The following NRXN3 variants were observed in gnomAD, a reference collection of about 807,000 sequenced individuals.
NRXN3 encodes neurexin III.
Under a neutral mutation model 137.6 loss-of-function variants are expected in NRXN3, and 32 were observed. The ratio of observed to expected loss-of-function variants is 0.23; its 90% CI spans 0.18 to 0.31. The LOEUF is 0.31. NRXN3 is among the 10% of genes least tolerant of loss of function. The pLI, the probability that NRXN3 is intolerant of heterozygous loss-of-function variation, is 1.00. For synonymous variants in NRXN3, 798 were observed against 784.5 expected, an observed-to-expected ratio of 1.02 and a Z score of -0.29; for missense variants, 1,574 against 2,062.5, an observed-to-expected ratio of 0.76 and a Z score of 4.59.
intron 6 of NRXN3, 102 bp downstream of exon 6, chr14:78,651,428 G>T: frequency 1.0e-5 from 13 of 1,270,008 alleles, no homozygotes; most frequent in Non-Finnish European, 1.3e-5. Context: ...AAATCTATGA[G>T]ATGATAGATT....
At chr14:78,199,769 C>G (rs920511973) in intron 1 of NRXN3, among the ~76,000 whole-genome samples, 1 of 152,222 alleles carries the variant, frequency 6.6e-6, no homozygotes, top group African/African-American at 2.4e-5. Flanking sequence ...TTGATGAGCC[C>G]TGAAGGCTGT....
intron 6 of NRXN3, among the ~76,000 whole-genome samples, chr14:78,667,782 G>C (rs1019434064): frequency 1.3e-5 from 2 of 152,094 alleles, no homozygotes; most frequent in African/African-American, 4.8e-5. Flanking sequence ...GATTGTGATA[G>C]ATTATCTTTT....
intron 16 of NRXN3, among the ~76,000 whole-genome samples, chr14:79,594,108 T>C (rs1487352048): frequency 6.6e-6 from 1 of 152,236 alleles, no homozygotes; most frequent in African/African-American, 2.4e-5. Flanking sequence ...CCTACTGCCT[T>C]ATCTGTTTTG....
intron 1 of NRXN3, among the ~76,000 whole-genome samples, chr14:78,185,230 A>AG (rs2060137152): frequency 6.6e-6 from 1 of 152,204 alleles, no homozygotes; most frequent in African/African-American, 2.4e-5. Flanking sequence ...GATCTATTAT[A>AG]GGATAGAGGG....
intron 6 of NRXN3, among the ~76,000 whole-genome samples, chr14:78,666,087 T>C (rs1467720199): frequency 6.6e-6 from 1 of 152,190 alleles, no homozygotes; most frequent in African/African-American, 2.4e-5. Flanking sequence ...TATATCTATA[T>C]ATTTTTTCTT....
chr14:79,059,425 T>C (rs1036080116), intron 15 of NRXN3, among the ~76,000 whole-genome samples: 3 of 151,796 alleles, frequency 2.0e-5, no homozygotes, highest in African/African-American at 7.3e-5. Context: ...ACCCAGCTAA[T>C]TTTTTGTATT....
intron 15 of NRXN3, among the ~76,000 whole-genome samples, chr14:79,393,529 A>G (rs2094921792): frequency 6.6e-6 from 1 of 152,200 alleles, no homozygotes; most frequent in Non-Finnish European, 1.5e-5. Context: ...GTAAAGAGGA[A>G]CTTTTAAAAG....
intron 4 of NRXN3, among the ~76,000 whole-genome samples, chr14:78,552,138 C>T (rs2096698219): frequency 6.6e-6 from 1 of 152,154 alleles, no homozygotes; most frequent in African/African-American, 2.4e-5. Flanking sequence ...AAGTCTGTCA[C>T]TTGCTAATGG....
At chr14:79,596,005 G>A (rs757766875) in intron 16 of NRXN3, among the ~76,000 whole-genome samples, 4 of 151,120 alleles carry the variant, frequency 2.6e-5, no homozygotes, top group African/African-American at 4.9e-5. Context: ...GTGGGGGAAC[G>A]GGTCTCTTTC....
chr14:78,356,820 G>T (rs999909404), intron 4 of NRXN3, among the ~76,000 whole-genome samples: 1 of 151,978 alleles, frequency 6.6e-6, no homozygotes, highest in Non-Finnish European at 1.5e-5. Context: ...TTTTTTTCTG[G>T]ACTACTCAGC....
intron 6 of NRXN3, among the ~76,000 whole-genome samples, chr14:78,706,272 A>G (rs549126835): frequency 3.9e-5 from 6 of 152,236 alleles, no homozygotes; most frequent in Non-Finnish European, 5.9e-5. Context: ...ATAATAGTGA[A>G]GGTTAGAAAG....
At chr14:79,806,340 T>C (rs2099205139) in intron 20 of NRXN3, among the ~76,000 whole-genome samples, 1 of 152,182 alleles carries the variant, frequency 6.6e-6, no homozygotes, top group South Asian at 2.1e-4. Flanking sequence ...TTCAAATCTG[T>C]TGAAGCCTGA....
chr14:78,635,601 G>T (rs1393684113), intron 4 of NRXN3, among the ~76,000 whole-genome samples: 2 of 152,132 alleles, frequency 1.3e-5, no homozygotes, highest in African/African-American at 2.4e-5. Context: ...CTCCAGCTCT[G>T]TGTCCCTCCT....
intron 19 of NRXN3, among the ~76,000 whole-genome samples, chr14:79,752,984 G>A (rs900356198): frequency 6.6e-6 from 1 of 151,866 alleles, no homozygotes; most frequent in African/African-American, 2.4e-5. Context: ...CATCATCACT[G>A]GCCATCAGAG....
intron 15 of NRXN3, among the ~76,000 whole-genome samples, chr14:79,116,811 T>C (rs1013771628): frequency 1.3e-5 from 2 of 152,218 alleles, no homozygotes; most frequent in African/African-American, 4.8e-5. Context: ...TATTAAGACA[T>C]AGCAAAAGAT....
intron 4 of NRXN3, among the ~76,000 whole-genome samples, chr14:78,561,959 G>A (rs1397369154): frequency 6.6e-6 from 1 of 152,160 alleles, no homozygotes; most frequent in Non-Finnish European, 1.5e-5. Context: ...TTCAAAGAAA[G>A]TCACAATAAT....
intron 8 of NRXN3, among the ~76,000 whole-genome samples, chr14:78,720,450 A>G (rs1251016483): frequency 6.6e-6 from 1 of 152,228 alleles, no homozygotes; most frequent in Admixed American, 6.5e-5. Flanking sequence ...GCTTAATCAT[A>G]TCATTGAAAA....
chr14:78,222,412 T>G (rs1403376031), intron 1 of NRXN3, among the ~76,000 whole-genome samples: 1 of 152,112 alleles, frequency 6.6e-6, no homozygotes, highest in Non-Finnish European at 1.5e-5. Context: ...CCTTATTATT[T>G]TGGGAAGGTG....
chr14:78,740,548 T>TC (rs538131168), intron 8 of NRXN3, among the ~76,000 whole-genome samples: 6 of 151,096 alleles, frequency 4.0e-5, no homozygotes, highest in Admixed American at 3.3e-4. Context: ...TCTTTTCTTT[T>TC]TTTTTTTTTT....
Sources: gnomAD v4.1 joint callset for allele counts (sites outside exome capture counted in the v4.1 genomes callset) on GRCh38, gnomAD v4.1.1 for gene constraint, MANE v1.5 for transcripts, NCBI Gene and HGNC (gene_info 2026-07-23, HGNC 2026-07-21) for gene names.